The following CYP4A22 variants were observed in gnomAD, a reference collection of about 807,000 sequenced individuals.
The protein encoded by CYP4A22 is cytochrome P450 family 4 subfamily A member 22.
In CYP4A22, 46 loss-of-function variants were observed where a neutral mutation model predicts 56.2. The ratio of observed to expected loss-of-function variants is 0.82; its 90% CI spans 0.65 to 1.05. CYP4A22 has a LOEUF of 1.05. CYP4A22 is among the 50% of genes least tolerant of loss of function. CYP4A22 has a pLI of 0.00. For synonymous variants in CYP4A22, 193 were observed against 251.1 expected (o/e 0.77, Z 2.19); for missense variants, 541 against 645.9 (o/e 0.84, Z 1.76).
At chr1:47,138,717 G>A (rs1472532880) in intron 1 of CYP4A22, among the ~76,000 whole-genome samples, 4 of 152,210 alleles carry the variant, frequency 2.6e-5, no homozygotes, top group Non-Finnish European at 5.9e-5. Flanking sequence ...TGTGGCCTAG[G>A]AAAGCCAAAA....
intron 4 of CYP4A22, 64 bp from the exon 5 acceptor site, chr1:47,143,205 G>A: frequency 1.3e-6 from 2 of 1,556,166 alleles, no homozygotes; most frequent in Non-Finnish European, 1.7e-6. Context: ...ACATGAAAAA[G>A]CCAGGCCTTA....
intron 11 of CYP4A22, chr1:47,147,229 G>A (rs1645086023): frequency 2.0e-6 from 2 of 985,466 alleles, no homozygotes. Context: ...ATCCCAGCAT[G>A]AGGAAGTCCT....
At position 47,144,760 on chromosome 1, in the gene CYP4A22, A is replaced by G. The variant is rs763528195; in HGVS notation, c.1088+20A>G. ...CACCTGGTGAGTGAGGGCTCAAAAG[A>G]TGGGGTTCCCTGCCTTCTCCACAGG... On this transcript the variant is annotated intron_variant, in intron 8 of 11. Coordinates refer to ENST00000371891, the MANE Select transcript of CYP4A22 (RefSeq NM_001010969.4). 2.4e-5 allele frequency: 39 copies of G among 1,612,704 alleles called. No homozygotes were observed. The South Asian group carries it at 4.1e-4, about 17-fold the overall frequency.
In CYP4A22 at chr1:47,148,711, G is replaced by A; in HGVS notation, c.1474G>A (p.Ala492Thr). Reference protein sequence around the residue: ...PDPTRIPIPMARLVLKSKNGI... With the variant: ...PDPTRIPIPMTRLVLKSKNGI... ...TCCCACCAGGATCCCCATCCCCATG[G>A]CACGACTTGTGTTGAAATCCAAAAA... The change falls in exon 12 of 12, where the codon GCA becomes ACA. Residue 492 changes from alanine to threonine, a missense_variant. This residue lies in a region of CYP4A22 where 204 missense variants were observed against 258.9 expected (regional missense o/e 0.79). Transcript: ENST00000371891. The A allele has an allele frequency of 6.2e-7, 1 of 1,614,018 alleles. No individual in the cohort carries two copies. Among genetic ancestry groups the A allele is most frequent in the Non-Finnish European group, 8.5e-7 (1 of 1,179,944 alleles).
At position 47,142,105 on chromosome 1, in the gene CYP4A22, T is replaced by C; in HGVS notation, c.383-3T>C. On this transcript the variant is annotated splice_polypyrimidine_tract_variant and splice_region_variant and intron_variant, in intron 3 of 11. Transcript: ENST00000371891. ...CACATACACATATTCGTGTCTACCT[T>C]AGGGTACGGCTTGCTCCTGTTGAAT... 1.2e-6 allele frequency: 2 copies of C among 1,612,282 alleles called. No homozygotes were observed. The highest frequency in any genetic ancestry group is 1.7e-6 in the Non-Finnish European group (2 of 1,179,078).
intron 1 of CYP4A22, among the ~76,000 whole-genome samples, chr1:47,139,592 A>G (rs1644984715): frequency 1.3e-5 from 2 of 152,212 alleles, no homozygotes; most frequent in East Asian, 3.8e-4. Flanking sequence ...GTCCTAACGC[A>G]GTGCCTGAGC....
In CYP4A22 at chr1:47,144,365, A is replaced by T; in HGVS notation, c.799A>T (p.Ile267Phe). The change falls in exon 7 of 12, where the codon ATC becomes TTC. Residue 267 changes from isoleucine to phenylalanine, a missense_variant. Around this residue, in one of 3 missense-constraint regions of CYP4A22, gnomAD observed 335 missense variants for 361.2 expected, o/e 0.93. Coordinates refer to ENST00000371891, the MANE Select transcript of CYP4A22 (RefSeq NM_001010969.4). ...QLAHQHTDQVIQLRKAQLQKE... is the reference protein window; with the variant it reads ...QLAHQHTDQVFQLRKAQLQKE... ...CCATTGTTCTGGTACAGACCAAGTG[A>T]TCCAACTGAGGAAGGCTCAACTACA... is the stretch of plus-strand genomic sequence containing the variant. The T allele has an allele frequency of 6.2e-7, 1 of 1,613,700 alleles. No homozygotes were observed. Among genetic ancestry groups the T allele is most frequent in the East Asian group, 2.2e-5 (1 of 44,838 alleles).
At chr1:47,145,280 T>C (rs960414959) in intron 9 of CYP4A22, among the ~76,000 whole-genome samples, 1 of 152,160 alleles carries the variant, frequency 6.6e-6, no homozygotes, top group African/African-American at 2.4e-5. Context: ...GTTTCTTTCC[T>C]CATGGGGTCA....
At chr1:47,141,746 C>A in intron 3 of CYP4A22, 131 bp downstream of exon 3, 1 of 1,256,392 alleles carries the variant, frequency 8.0e-7, no homozygotes, top group South Asian at 1.6e-5. Context: ...TCATTTCCCT[C>A]TTCTAACAAG....
intron 1 of CYP4A22, among the ~76,000 whole-genome samples, chr1:47,137,976 C>A (rs893494392): frequency 6.6e-6 from 1 of 152,152 alleles, no homozygotes; most frequent in Non-Finnish European, 1.5e-5. Flanking sequence ...AGACTGATTA[C>A]CCCATAAGCC....
intron 11 of CYP4A22, chr1:47,146,947 A>G: frequency 4.1e-6 from 4 of 985,448 alleles, no homozygotes; most frequent in Non-Finnish European, 4.8e-6. Flanking sequence ...CATATAACGC[A>G]CAACATTTGA....
Position 47,146,118 on chromosome 1 carries a change from C to A in CYP4A22, c.1329C>A (p.His443Gln), listed in dbSNP as rs147763791. Reference sequence around the variant, plus strand: ...GTTTTGCACCGGGTTCTGCTCAACACAGCCACGCTTTCCTGCCCTTCTCAG... The same window carrying A: ...GTTTTGCACCGGGTTCTGCTCAACAAAGCCACGCTTTCCTGCCCTTCTCAG... ...PSRFAPGSAQHSHAFLPFSGG... is the reference protein window; with the variant it reads ...PSRFAPGSAQQSHAFLPFSGG... Residue 443 changes from histidine (H) to glutamine (Q), a missense_variant, in exon 11 of 12, where the codon CAC (histidine) becomes CAA (glutamine). Transcript: ENST00000371891. The A allele has an allele frequency of 3.1e-6, 5 of 1,614,106 alleles. No homozygotes were observed. Among genetic ancestry groups the A allele is most frequent in the Non-Finnish European group, 4.2e-6 (5 of 1,180,054 alleles).
Position 47,144,888 on chromosome 1 carries a change from G to A in CYP4A22, c.1140G>A (p.Leu380=). Residue 380 remains leucine (L), a synonymous_variant, in exon 9 of 12, where the codon CTG becomes CTA. Coordinates refer to ENST00000371891, the MANE Select transcript of CYP4A22 (RefSeq NM_001010969.4). ...PYTTMCIKEA[L]RLYPPVPGIG... ...CCACCATGTGCATTAAGGAGGCACTGAGGCTCTACCCACCGGTGCCAGGCA... is the reference window on the plus strand; with the variant it reads ...CCACCATGTGCATTAAGGAGGCACTAAGGCTCTACCCACCGGTGCCAGGCA... 6 of 1,614,208 alleles carry A rather than the reference G, an allele frequency of 3.7e-6. No individual in the cohort carries two copies. The highest frequency in any genetic ancestry group is 5.1e-6 in the Non-Finnish European group (6 of 1,180,042).
At chr1:47,148,431 G>C (rs919117055) in intron 11 of CYP4A22, among the ~76,000 whole-genome samples, 171 bp from the exon 12 acceptor site, 32 of 152,156 alleles carry the variant, frequency 2.1e-4, no homozygotes, top group African/African-American at 7.7e-4. Flanking sequence ...TTGGGACAGT[G>C]TGAAGCCAGG....
At chr1:47,140,201 CA>C (rs1644992517) in intron 1 of CYP4A22, among the ~76,000 whole-genome samples, 1 of 152,170 alleles carries the variant, frequency 6.6e-6, no homozygotes, top group Admixed American at 6.5e-5. Context: ...ACACCAGCAC[CA>C]TATGCATATA....
In CYP4A22 at chr1:47,147,462, C is replaced by T. The variant is rs1356271969; in HGVS notation, c.1365-1140C>T. On this transcript the variant is annotated intron_variant, in intron 11 of 11. Coordinates refer to ENST00000371891, the MANE Select transcript of CYP4A22 (RefSeq NM_001010969.4). ...GATGAGAAAACAGAGATAAAAGGTA[C>T]AAAAATGTGTTGTACAGAAATATAT... 6.2e-6 allele frequency: 6 copies of T among 974,522 alleles called. No homozygotes were observed. The African/African-American group carries it at 7.0e-5, about 11-fold the overall frequency. 60.4% of individuals were successfully genotyped at this position (974,522 alleles called of 1,614,324 possible).
Position 47,143,770 on chromosome 1 carries a change from A to C in CYP4A22, c.644A>C (p.Gln215Pro). The change falls in exon 6 of 12, where the codon CAG (glutamine) becomes CCG (proline). Residue 215 changes from glutamine to proline, a missense_variant. Gln to Pro is a moderately conservative substitution (Grantham distance 76, BLOSUM62 -1). This residue lies in a region of CYP4A22 where 335 missense variants were observed against 361.2 expected (regional missense o/e 0.93). Transcript: ENST00000371891. ...TTCATACTCTCCCTCAGGAATTCTC[A>C]GTCCTACATCCAGGCCATTAGTGAC... is the stretch of plus-strand genomic sequence containing the variant. ...QGSIQVDRNS[Q>P]SYIQAISDLN... 1 of 1,609,182 alleles carries C rather than the reference A, an allele frequency of 6.2e-7. No individual in the cohort carries two copies.
intron 2 of CYP4A22, 26 bp downstream of exon 2, chr1:47,140,947 G>A (rs1179889501): frequency 1.2e-6 from 2 of 1,612,024 alleles, no homozygotes; most frequent in East Asian, 2.2e-5. Context: ...CATCCCAACT[G>A]CAATTTCTCT....
At chr1:47,146,595 T>C (rs1228678801) in intron 11 of CYP4A22, 1 of 1,032,842 alleles carries the variant, frequency 9.7e-7, no homozygotes, top group Non-Finnish European at 1.2e-6. Context: ...AATTCACTAG[T>C]CTGTCGTAGA....
Sources: allele counts gnomAD v4.1 joint callset (sites outside exome capture counted in the v4.1 genomes callset), GRCh38; gene constraint gnomAD v4.1.1; regional missense constraint gnomAD v4.1.1; transcripts MANE v1.5; gene names NCBI Gene and HGNC (gene_info 2026-07-23, HGNC 2026-07-21).